NELL1: variants seen among roughly 807,000 people sequenced by gnomAD.
NELL1 encodes the protein neural EGFL like 1.
A neutral mutation model predicts 107.4 loss-of-function variants in NELL1; 76 were observed. The observed-to-expected ratio is 0.71, with a 90% CI of 0.59 to 0.86. NELL1 has a LOEUF of 0.86. NELL1 is among the 40% of genes least tolerant of loss of function. The pLI is 0.00. For synonymous variants in NELL1, 353 were observed against 341.2 expected, an observed-to-expected ratio of 1.03 and a Z score of -0.38; for missense variants, 1,024 against 1,005.5, an observed-to-expected ratio of 1.02 and a Z score of -0.25.
intron 16 of NELL1, among the ~76,000 whole-genome samples, chr11:21,557,339 C>T (rs1182872837): frequency 6.6e-6 from 1 of 151,980 alleles, no homozygotes; most frequent in East Asian, 1.9e-4. Context: ...GTATGTTTAT[C>T]TTTATGCTCA....
chr11:21,002,294 C>CCTACATTAATTAGTTACCTACATTAATGT, intron 12 of NELL1, among the ~76,000 whole-genome samples: 2 of 151,326 alleles, frequency 1.3e-5, no homozygotes, highest in Middle Eastern at 3.4e-3. Flanking sequence ...TATATTATAA[C>CCTACATTAATTAGTTACCTACATTAATGT]AGTTACCTAC....
intron 12 of NELL1, among the ~76,000 whole-genome samples, chr11:20,986,601 C>T (rs1248867890): frequency 7.9e-5 from 12 of 152,288 alleles, no homozygotes; most frequent in African/African-American, 2.9e-4. Context: ...CATTAGGTCT[C>T]AGGTAGGGCT....
chr11:21,253,915 C>T (rs534315908), intron 14 of NELL1, among the ~76,000 whole-genome samples: 1 of 152,162 alleles, frequency 6.6e-6, no homozygotes, highest in South Asian at 2.1e-4. Flanking sequence ...GGAACCTCAA[C>T]CTCTTAGTTT....
intron 14 of NELL1, among the ~76,000 whole-genome samples, chr11:21,319,596 C>T (rs971333693): frequency 6.6e-6 from 1 of 151,172 alleles, no homozygotes; most frequent in African/African-American, 2.4e-5. Context: ...CCCGCCTCTG[C>T]CTTTCAAAGT....
At chr11:21,470,351 G>T (rs1197799210) in intron 15 of NELL1, among the ~76,000 whole-genome samples, 2 of 151,914 alleles carry the variant, frequency 1.3e-5, no homozygotes, top group African/African-American at 4.8e-5. Flanking sequence ...TCTATGATCT[G>T]GTCCTTACCT....
intron 14 of NELL1, among the ~76,000 whole-genome samples, chr11:21,271,515 A>C (rs1263119944): frequency 6.6e-6 from 1 of 152,224 alleles, no homozygotes; most frequent in Non-Finnish European, 1.5e-5. Flanking sequence ...CACCAGGCCC[A>C]GATGGGTTCA....
chr11:21,200,036 A>G (rs1380986647), intron 13 of NELL1, among the ~76,000 whole-genome samples: 3 of 152,086 alleles, frequency 2.0e-5, no homozygotes, highest in Non-Finnish European at 4.4e-5. Flanking sequence ...TTCTTTATCC[A>G]GTCTATCATT....
chr11:21,217,045 G>T (rs937780405), intron 13 of NELL1, among the ~76,000 whole-genome samples: 2 of 152,070 alleles, frequency 1.3e-5, no homozygotes, highest in African/African-American at 2.4e-5. Context: ...AGTCATGAGG[G>T]TAGTTACCTC....
rs10592573 is a variant in NELL1, at chr11:20,672,970, GCCCC to G, written c.55+3206_55+3209del. On this transcript the variant is annotated intron_variant, in intron 1 of 19. Coordinates refer to ENST00000357134, the MANE Select transcript of NELL1 (RefSeq NM_006157.5). ...GGGTTTAAGTGATTCTCCTGCCTCA[GCCCC>G]CCCCCCCCCCCCCGAGTAGCTGGGA... 9.6e-4 allele frequency among the ~76,000 whole-genome samples: 97 copies of G among 100,908 alleles called. 3 individuals are homozygous for G. Among genetic ancestry groups the G allele is most frequent in the African/African-American group, 3.8e-3 (93 of 24,502 alleles). 66.2% of individuals were successfully genotyped at this position (100,908 alleles called of 152,430 possible).
rs869187456 is a variant in NELL1, at chr11:20,813,006, C to CAAA, written c.335+29215_335+29217dup. ...CCTGGGCGACAGCGAGACTCCGTCT[C>CAAA]AAAAAAAAAAAAAAAAAAAAAAAAA... On this transcript the variant is annotated intron_variant, in intron 3 of 19. Coordinates refer to ENST00000357134, the MANE Select transcript of NELL1 (RefSeq NM_006157.5). Among the ~76,000 whole-genome samples, 47 of 61,272 alleles carry CAAA rather than the reference C, an allele frequency of 7.7e-4. 3 individuals are homozygous for CAAA. The highest frequency in any genetic ancestry group is 2.6e-3 in the African/African-American group (38 of 14,486). 40.2% of individuals were successfully genotyped at this position (61,272 alleles called of 152,430 possible). A position where few individuals can be genotyped will look rare whatever the true frequency, so the allele number is the denominator to read the frequency against.
intron 13 of NELL1, among the ~76,000 whole-genome samples, chr11:21,200,203 T>G (rs1471116109): frequency 6.6e-6 from 1 of 152,132 alleles, no homozygotes; most frequent in Non-Finnish European, 1.5e-5. Flanking sequence ...TAGTTCTAGA[T>G]CCTTGAGGAA....
At chr11:20,995,249 G>A (rs1852063593) in intron 12 of NELL1, among the ~76,000 whole-genome samples, 1 of 151,930 alleles carries the variant, frequency 6.6e-6, no homozygotes, top group Non-Finnish European at 1.5e-5. Flanking sequence ...ACTAATTTTA[G>A]TAGCTGTAAA....
intron 15 of NELL1, among the ~76,000 whole-genome samples, chr11:21,424,820 A>G (rs1038660242): frequency 1.3e-5 from 2 of 152,172 alleles, no homozygotes; most frequent in African/African-American, 4.8e-5. Flanking sequence ...AACAAAGTAA[A>G]GCACTGGACC....
At chr11:20,996,585 G>C (rs1852095098) in intron 12 of NELL1, among the ~76,000 whole-genome samples, 1 of 152,150 alleles carries the variant, frequency 6.6e-6, no homozygotes, top group South Asian at 2.1e-4. Context: ...TGGATACTCA[G>C]TAAGCTTCTC....
intron 2 of NELL1, among the ~76,000 whole-genome samples, chr11:20,705,790 A>G (rs189642556): frequency 1.6e-3 from 238 of 151,608 alleles, no homozygotes; most frequent in African/African-American, 5.6e-3. Context: ...AATATCCAGA[A>G]TCTACAATGA....
intron 14 of NELL1, among the ~76,000 whole-genome samples, chr11:21,351,276 T>A (rs1366775228): frequency 1.3e-5 from 2 of 152,056 alleles, no homozygotes; most frequent in Non-Finnish European, 2.9e-5. Context: ...ATATTTTTTT[T>A]GTTGGTTTAA....
At chr11:21,009,777 C>T (rs1257183554) in intron 12 of NELL1, among the ~76,000 whole-genome samples, 1 of 152,050 alleles carries the variant, frequency 6.6e-6, no homozygotes, top group Non-Finnish European at 1.5e-5. Context: ...ATATTCTCAC[C>T]TTGAAGGGAA....
chr11:21,081,665 G>A (rs1018450438), intron 12 of NELL1, among the ~76,000 whole-genome samples: 1 of 152,114 alleles, frequency 6.6e-6, no homozygotes, highest in Admixed American at 6.6e-5. Flanking sequence ...TGGAAAATGT[G>A]TCTCAAATTC....
intron 5 of NELL1, among the ~76,000 whole-genome samples, chr11:20,905,984 C>T (rs142153726): frequency 1.3e-5 from 2 of 152,118 alleles, no homozygotes; most frequent in East Asian, 1.9e-4. Flanking sequence ...CACTGAGACA[C>T]GTTATGATAA....
Sources: gnomAD v4.1 joint callset for allele counts (sites outside exome capture counted in the v4.1 genomes callset) on GRCh38, gnomAD v4.1.1 for gene constraint, MANE v1.5 for transcripts, NCBI Gene and HGNC (gene_info 2026-07-23, HGNC 2026-07-21) for gene names.